The following RSRC1 variants were observed in gnomAD, a reference collection of about 807,000 sequenced individuals.
RSRC1 encodes arginine and serine rich coiled-coil 1.
RSRC1 carries 39 observed loss-of-function variants against 49.1 expected under a neutral mutation model. The observed-to-expected ratio is 0.79, with a 90% CI of 0.61 to 1.04. RSRC1 has a LOEUF of 1.04. Ranked by LOEUF, RSRC1 falls within the 50% of genes least tolerant of loss-of-function variation. RSRC1 has a pLI of 0.00. For synonymous variants in RSRC1, 143 were observed against 130.8 expected (o/e 1.09, Z -0.63); for missense variants, 388 against 402.4 (o/e 0.96, Z 0.31).
intron 4 of RSRC1, among the ~76,000 whole-genome samples, chr3:158,257,964 C>A (rs1468522224): frequency 6.6e-6 from 1 of 151,942 alleles, no homozygotes; most frequent in Non-Finnish European, 1.5e-5. Flanking sequence ...TGCTTTTTAA[C>A]CTTGTCCTGT....
chr3:158,201,990 C>T (rs1293733797), intron 3 of RSRC1, among the ~76,000 whole-genome samples: 1 of 152,050 alleles, frequency 6.6e-6, no homozygotes, highest in African/African-American at 2.4e-5. Flanking sequence ...AGGGAAATCA[C>T]ATGGTTGGAT....
At chr3:158,341,984 AAC>A (rs1730272137) in intron 5 of RSRC1, among the ~76,000 whole-genome samples, 1 of 152,178 alleles carries the variant, frequency 6.6e-6, no homozygotes, top group Non-Finnish European at 1.5e-5. Context: ...TGGGCCCTGT[AAC>A]CCCTTTCTTT....
At chr3:158,114,966 T>A (rs1402082514) in intron 1 of RSRC1, among the ~76,000 whole-genome samples, 1 of 152,344 alleles carries the variant, frequency 6.6e-6, no homozygotes, top group South Asian at 2.1e-4. Flanking sequence ...ACTTCCTGTC[T>A]TCCTATTCGA....
intron 6 of RSRC1, among the ~76,000 whole-genome samples, chr3:158,373,630 A>T (rs1283197837): frequency 6.6e-6 from 1 of 151,892 alleles, no homozygotes; most frequent in Non-Finnish European, 1.5e-5. Flanking sequence ...CAATTTTCTA[A>T]AACTTTTGTT....
chr3:158,385,321 A>G (rs1732914046), intron 6 of RSRC1, among the ~76,000 whole-genome samples: 2 of 152,184 alleles, frequency 1.3e-5, no homozygotes, highest in Non-Finnish European at 2.9e-5. Flanking sequence ...GCATTGTACT[A>G]TAAACCATTC....
At chr3:158,365,309 C>A (rs910648218) in intron 6 of RSRC1, among the ~76,000 whole-genome samples, 4 of 152,102 alleles carry the variant, frequency 2.6e-5, no homozygotes, top group African/African-American at 9.7e-5. Flanking sequence ...AGTACCCACC[C>A]CCCGACAGGC....
chr3:158,229,049 C>T (rs1421239159), intron 4 of RSRC1, among the ~76,000 whole-genome samples: 1 of 126,058 alleles, frequency 7.9e-6, no homozygotes, highest in Non-Finnish European at 1.7e-5. Flanking sequence ...AACACACATA[C>T]GTGTATATGT....
intron 6 of RSRC1, among the ~76,000 whole-genome samples, chr3:158,456,766 T>C (rs1365244985): frequency 6.6e-6 from 1 of 152,168 alleles, no homozygotes; most frequent in Admixed American, 6.5e-5. Flanking sequence ...CCAGCAAGGC[T>C]AGATTATATA....
intron 3 of RSRC1, among the ~76,000 whole-genome samples, chr3:158,158,445 AT>A (rs1474713306): frequency 6.6e-6 from 1 of 152,182 alleles, no homozygotes; most frequent in African/African-American, 2.4e-5. Context: ...ATCATATTCT[AT>A]TTTAAACATT....
chr3:158,455,598 G>A lies in RSRC1; in HGVS notation c.584-5337G>A, dbSNP rs563971113. Among the ~76,000 whole-genome samples, 4 of 152,054 alleles carry A rather than the reference G, an allele frequency of 2.6e-5. No individual in the cohort carries two copies. In the South Asian group the frequency reaches 8.3e-4, roughly 31 times the overall value. On this transcript the variant is annotated intron_variant, in intron 6 of 9. Transcript: ENST00000611884. ...TGAATCATGCCCTGATTAGCCCCTT[G>A]TCACCTCTGCAGCTGTTCTTCTGAT...
chr3:158,425,254 T>C, intron 6 of RSRC1, among the ~76,000 whole-genome samples: 1 of 152,124 alleles, frequency 6.6e-6, no homozygotes, highest in East Asian at 1.9e-4. Flanking sequence ...GCTTTGAATG[T>C]GTCCCAGAGA....
chr3:158,487,907 G>T (rs1003658744), intron 7 of RSRC1, among the ~76,000 whole-genome samples: 4 of 121,800 alleles, frequency 3.3e-5, no homozygotes, highest in African/African-American at 1.3e-4. Context: ...CTGAGACCAC[G>T]CCATTGCACT....
chr3:158,259,907 A>T (rs1184722954), intron 4 of RSRC1, among the ~76,000 whole-genome samples: 1 of 151,980 alleles, frequency 6.6e-6, no homozygotes, highest in South Asian at 2.1e-4. Flanking sequence ...ATGCTCACCC[A>T]AGGTTAAGGG....
At chr3:158,514,909 A>C (rs909036550) in intron 7 of RSRC1, among the ~76,000 whole-genome samples, 1 of 151,968 alleles carries the variant, frequency 6.6e-6, no homozygotes, top group Non-Finnish European at 1.5e-5. Context: ...GTTGGTTTAA[A>C]GTCTGTTTTA....
At chr3:158,503,460 T>A (rs1459333970) in intron 7 of RSRC1, among the ~76,000 whole-genome samples, 2 of 152,240 alleles carry the variant, frequency 1.3e-5, no homozygotes, top group East Asian at 3.9e-4. Flanking sequence ...CAAGATTATA[T>A]GCCCTTTGTC....
chr3:158,260,951 T>G (rs947575359), intron 4 of RSRC1, among the ~76,000 whole-genome samples: 9 of 152,052 alleles, frequency 5.9e-5, no homozygotes, highest in African/African-American at 1.7e-4. Flanking sequence ...CAGGGAAAGG[T>G]GGTGTAGGTG....
intron 1 of RSRC1, chr3:158,110,611 TGGA>T (rs1181668548): frequency 6.6e-6 from 1 of 152,334 alleles, no homozygotes; most frequent in Non-Finnish European, 1.5e-5. Flanking sequence ...CTAGGTAGGG[TGGA>T]GCAAGAGGGA....
At chr3:158,201,817 C>T (rs1451815980) in intron 3 of RSRC1, among the ~76,000 whole-genome samples, 1 of 152,108 alleles carries the variant, frequency 6.6e-6, no homozygotes, top group African/African-American at 2.4e-5. Flanking sequence ...CTCAGGGTTG[C>T]TCTTCATATG....
intron 6 of RSRC1, among the ~76,000 whole-genome samples, chr3:158,382,989 C>G (rs989609346): frequency 1.3e-5 from 2 of 152,008 alleles, no homozygotes; most frequent in Non-Finnish European, 2.9e-5. Context: ...CATTTGATGC[C>G]TAGTTTTTAA....
Sources: gnomAD v4.1 joint callset for allele counts (sites outside exome capture counted in the v4.1 genomes callset) on GRCh38, gnomAD v4.1.1 for gene constraint, MANE v1.5 for transcripts, NCBI Gene and HGNC (gene_info 2026-07-23, HGNC 2026-07-21) for gene names.